NAALADL2: variants seen among roughly 807,000 people sequenced by gnomAD.
NAALADL2 encodes inactive N-acetylated-alpha-linked acidic dipeptidase-like protein 2.
Under a neutral mutation model 87.2 loss-of-function variants are expected in NAALADL2, and 76 were observed. The observed-to-expected ratio is 0.87, with a 90% CI of 0.72 to 1.05. NAALADL2 has a LOEUF of 1.05. NAALADL2 is among the 50% of genes least tolerant of loss of function. The probability of loss-of-function intolerance (pLI) is 0.00; values close to 1 mark genes in which losing one functional copy is unlikely to be tolerated. For synonymous variants in NAALADL2, 354 were observed against 331.0 expected, an observed-to-expected ratio of 1.07 and a Z score of -0.75; for missense variants, 1,089 against 945.8, an observed-to-expected ratio of 1.15 and a Z score of -1.99.
chr3:174,807,893 G>A (rs1263940195), intron 3 of NAALADL2, among the ~76,000 whole-genome samples: 5 of 151,598 alleles, frequency 3.3e-5, no homozygotes, highest in African/African-American at 1.2e-4. Flanking sequence ...GTGTGTGAGA[G>A]AGAGAGATAT....
chr3:175,170,786 A>G (rs1029303389), intron 2 of NAALADL2, among the ~76,000 whole-genome samples: 2 of 151,702 alleles, frequency 1.3e-5, no homozygotes, highest in Non-Finnish European at 3.0e-5. Flanking sequence ...GCCATTAAGC[A>G]TGTTTGTATT....
At chr3:174,441,983 C>T (rs1055424163) in intron 1 of NAALADL2, among the ~76,000 whole-genome samples, 2 of 151,382 alleles carry the variant, frequency 1.3e-5, no homozygotes, top group Non-Finnish European at 2.9e-5. Flanking sequence ...TTTTTTTTAA[C>T]CACCCGAGAA....
intron 9 of NAALADL2, among the ~76,000 whole-genome samples, chr3:175,569,603 G>A (rs1717719267): frequency 6.6e-6 from 1 of 152,072 alleles, no homozygotes; most frequent in South Asian, 2.1e-4. Context: ...CTTATAAAAA[G>A]AGAGGTAGAT....
intron 5 of NAALADL2, among the ~76,000 whole-genome samples, chr3:175,372,736 G>A (rs1337000910): frequency 6.6e-6 from 1 of 152,176 alleles, no homozygotes; most frequent in Non-Finnish European, 1.5e-5. Context: ...TATTAATGAA[G>A]AAGTAAGGAA....
chr3:175,462,393 A>C (rs192951771), intron 6 of NAALADL2, among the ~76,000 whole-genome samples: 1 of 152,282 alleles, frequency 6.6e-6, no homozygotes, highest in East Asian at 1.9e-4. Context: ...TTTGGTTATT[A>C]TTTTAATGGA....
chr3:174,452,506 G>T (rs1469263282), intron 1 of NAALADL2, among the ~76,000 whole-genome samples: 1 of 151,984 alleles, frequency 6.6e-6, no homozygotes, highest in Non-Finnish European at 1.5e-5. Flanking sequence ...GCTTTATCTG[G>T]CACCACCCAT....
intron 1 of NAALADL2, among the ~76,000 whole-genome samples, chr3:174,895,476 T>C (rs1003091770): frequency 2.6e-5 from 4 of 151,960 alleles, no homozygotes; most frequent in Non-Finnish European, 5.9e-5. Context: ...AAGATTGAAC[T>C]GGGAAGAAAT....
intron 3 of NAALADL2, among the ~76,000 whole-genome samples, chr3:175,250,205 T>C (rs1175901706): frequency 1.3e-5 from 2 of 151,548 alleles, no homozygotes; most frequent in African/African-American, 2.4e-5. Flanking sequence ...AGTATTCTTA[T>C]AAGAATAGAT....
intron 13 of NAALADL2, among the ~76,000 whole-genome samples, chr3:175,784,372 A>T (rs1751600222): frequency 6.6e-6 from 1 of 151,516 alleles, no homozygotes; most frequent in Admixed American, 6.6e-5. Context: ...TTATTGCCAC[A>T]ATTTCAGCTC....
At chr3:175,364,961 T>A (rs1765401181) in intron 5 of NAALADL2, among the ~76,000 whole-genome samples, 1 of 147,788 alleles carries the variant, frequency 6.8e-6, no homozygotes, top group Non-Finnish European at 1.5e-5. Flanking sequence ...GAAAGTACAT[T>A]TCTGTTGGAA....
At chr3:175,478,680 C>T (rs546569550) in intron 9 of NAALADL2, among the ~76,000 whole-genome samples, 11 of 151,960 alleles carry the variant, frequency 7.2e-5, no homozygotes, top group African/African-American at 2.6e-4. Context: ...AGCTGAGTTA[C>T]TTTTTGTCTG....
intron 1 of NAALADL2, among the ~76,000 whole-genome samples, chr3:174,506,578 A>C (rs1032861804): frequency 8.5e-5 from 13 of 152,324 alleles, no homozygotes; most frequent in Admixed American, 6.5e-4. Context: ...CATATAAATA[A>C]TTCTGAAATG....
At chr3:174,620,838 T>C (rs1720927285) in intron 2 of NAALADL2, among the ~76,000 whole-genome samples, 1 of 152,068 alleles carries the variant, frequency 6.6e-6, no homozygotes. Flanking sequence ...TGAATCCAAA[T>C]TATGAAAGAT....
chr3:175,755,442 A>G (rs764552521), intron 13 of NAALADL2, 24 bp downstream of exon 13: 106 of 1,522,554 alleles, frequency 7.0e-5, no homozygotes, highest in Middle Eastern at 1.7e-4. Context: ...CTCAAAAATT[A>G]TACTTTTTGC....
intron 2 of NAALADL2, among the ~76,000 whole-genome samples, chr3:174,585,402 A>G (rs1210771551): frequency 6.6e-6 from 1 of 152,222 alleles, no homozygotes; most frequent in Non-Finnish European, 1.5e-5. Context: ...AAAAATAGTT[A>G]TCAGTAACAT....
intron 1 of NAALADL2, among the ~76,000 whole-genome samples, chr3:175,044,561 A>C (rs1466988219): frequency 6.6e-6 from 1 of 152,158 alleles, no homozygotes; most frequent in Non-Finnish European, 1.5e-5. Flanking sequence ...AAAACAATTA[A>C]AACATTCATG....
At chr3:175,422,091 C>T (rs1247177886) in intron 5 of NAALADL2, among the ~76,000 whole-genome samples, 1 of 152,030 alleles carries the variant, frequency 6.6e-6, no homozygotes, top group Non-Finnish European at 1.5e-5. Flanking sequence ...GTCTTTGAAT[C>T]CCATTAGGAC....
At position 174,707,364 on chromosome 3, in the gene NAALADL2, A is replaced by C. The variant is rs1015607077; in HGVS notation, c.-114-30277A>C. Among the ~76,000 whole-genome samples, 24 of 152,234 alleles carry C rather than the reference A, an allele frequency of 1.6e-4. No individual in the cohort carries two copies. The East Asian group carries it at 3.1e-3, about 20-fold the overall frequency. On this transcript the variant is annotated intron_variant, in intron 2 of 3. Coordinates refer to the NAALADL2 transcript ENST00000434257. ...ATGCACACGTATGTTTATTGTGGCA[A>C]TATTCACAATAGCAAAGACTTGGAA...
At chr3:175,523,286 T>C (rs1232059208) in intron 9 of NAALADL2, among the ~76,000 whole-genome samples, 1 of 152,210 alleles carries the variant, frequency 6.6e-6, no homozygotes, top group Non-Finnish European at 1.5e-5. Context: ...AGAGCAGAAA[T>C]GCTGCTAAAT....
Sources: allele counts gnomAD v4.1 joint callset (sites outside exome capture counted in the v4.1 genomes callset), GRCh38; gene constraint gnomAD v4.1.1; transcripts MANE v1.5; gene names NCBI Gene and HGNC (gene_info 2026-07-23, HGNC 2026-07-21).